The following RCAN2 variants were observed in gnomAD, a reference collection of about 807,000 sequenced individuals.
RCAN2 encodes calcipressin-2.
In RCAN2, 9 loss-of-function variants were observed where a neutral mutation model predicts 23.6. That is an observed-to-expected ratio of 0.38 (90% CI 0.23 to 0.67). The LOEUF is 0.67. Ranked by LOEUF, RCAN2 falls within the 30% of genes least tolerant of loss-of-function variation. The pLI is 0.51. For missense variants in RCAN2, 273 were observed against 302.3 expected, an observed-to-expected ratio of 0.90 and a Z score of 0.72; for synonymous variants, 109 against 115.7, an observed-to-expected ratio of 0.94 and a Z score of 0.37.
chr6:46,256,427 T>C (rs1766919674), intron 2 of RCAN2, among the ~76,000 whole-genome samples: 1 of 134,030 alleles, frequency 7.5e-6, no homozygotes, highest in Non-Finnish European at 1.6e-5. Context: ...CCAGGTAGAA[T>C]GTCTGAAGAT....
chr6:46,330,794 GTTAT>G (rs1236509781), intron 2 of RCAN2, among the ~76,000 whole-genome samples: 4 of 152,116 alleles, frequency 2.6e-5, no homozygotes, highest in Non-Finnish European at 5.9e-5. Flanking sequence ...ATGAAGCCAT[GTTAT>G]TTGTCTTTTA....
chr6:46,384,019 T>TCTA (rs1212604458), intron 2 of RCAN2, among the ~76,000 whole-genome samples: 2 of 152,166 alleles, frequency 1.3e-5, no homozygotes, highest in Non-Finnish European at 2.9e-5. Flanking sequence ...AGGGTTCATC[T>TCTA]CTACATACTC....
intron 2 of RCAN2, among the ~76,000 whole-genome samples, chr6:46,322,788 C>T (rs1582103555): frequency 6.6e-6 from 1 of 152,320 alleles, no homozygotes; most frequent in East Asian, 1.9e-4. Flanking sequence ...CTTGGCTCCA[C>T]CAGTTATTAG....
At chr6:46,365,327 T>C (rs1418611475) in intron 2 of RCAN2, among the ~76,000 whole-genome samples, 1 of 151,706 alleles carries the variant, frequency 6.6e-6, no homozygotes, top group African/African-American at 2.4e-5. Context: ...AATACAACAA[T>C]TAGCTGGGCG....
chr6:46,244,778 G>A (rs1766453033), intron 4 of RCAN2, among the ~76,000 whole-genome samples: 1 of 152,202 alleles, frequency 6.6e-6, no homozygotes, highest in Non-Finnish European at 1.5e-5. Flanking sequence ...CAGACTCCTA[G>A]GTCCTCTAGC....
At chr6:46,378,523 C>A (rs1765539124) in intron 2 of RCAN2, among the ~76,000 whole-genome samples, 1 of 152,008 alleles carries the variant, frequency 6.6e-6, no homozygotes, top group Non-Finnish European at 1.5e-5. Flanking sequence ...TATGTAAATC[C>A]CATACATCTT....
At position 46,224,568 on chromosome 6, in the gene RCAN2, T is replaced by C. The variant is rs556271269; in HGVS notation, c.572-1267A>G. 5.3e-5 allele frequency among the ~76,000 whole-genome samples: 8 copies of C among 152,330 alleles called. No individual in the cohort carries two copies. The South Asian group carries it at 1.7e-3, about 32-fold the overall frequency. ...CCAAAATAGCTACTTTTACTTCGCATAGCCTCACTTCCCCTCCAGAGTTCC... is the reference window on the plus strand; with the variant it reads ...CCAAAATAGCTACTTTTACTTCGCACAGCCTCACTTCCCCTCCAGAGTTCC... On this transcript the variant is annotated intron_variant, in intron 4 of 4. Coordinates refer to ENST00000371374, the MANE Select transcript of RCAN2 (RefSeq NM_001251974.2).
chr6:46,330,895 C>A (rs147544024), intron 2 of RCAN2, among the ~76,000 whole-genome samples: 2 of 152,112 alleles, frequency 1.3e-5, no homozygotes, highest in Non-Finnish European at 2.9e-5. Flanking sequence ...TTGTTTAGAT[C>A]CAGATGCTTA....
intron 2 of RCAN2, among the ~76,000 whole-genome samples, chr6:46,455,864 AAAAGAAAGAAAG>A (rs763615814): frequency 5.3e-5 from 8 of 151,118 alleles, no homozygotes; most frequent in Admixed American, 2.0e-4. Context: ...TAAAAAAAAA[AAAAGAAAGAAAG>A]AAAGAAAGAA....
intron 2 of RCAN2, among the ~76,000 whole-genome samples, chr6:46,423,633 C>T (rs1424337354): frequency 4.6e-5 from 7 of 152,146 alleles, no homozygotes; most frequent in African/African-American, 1.7e-4. Context: ...TTTCCTTATA[C>T]ATTTTGTAAT....
At chr6:46,248,936 G>T in intron 2 of RCAN2, 40 bp from the exon 3 acceptor site, 5 of 1,461,570 alleles carry the variant, frequency 3.4e-6, no homozygotes, top group Non-Finnish European at 4.7e-6. Flanking sequence ...ATTGGCCATG[G>T]CATGGATCTC....
intron 2 of RCAN2, among the ~76,000 whole-genome samples, chr6:46,282,286 C>A (rs1762208380): frequency 6.6e-6 from 1 of 151,736 alleles, no homozygotes; most frequent in South Asian, 2.1e-4. Flanking sequence ...TGGCTCACAC[C>A]TGTAATCCCA....
At chr6:46,328,908 C>T (rs546463105) in intron 2 of RCAN2, among the ~76,000 whole-genome samples, 58 of 152,270 alleles carry the variant, frequency 3.8e-4, no homozygotes, top group African/African-American at 1.2e-3. Context: ...CACCCCTAGC[C>T]GAGAATGTGT....
rs564895047 is a variant in RCAN2 at position 46,422,533 on chromosome 6, C to T, written c.225+34219G>A. Among the ~76,000 whole-genome samples, 9 of 152,046 alleles carry T rather than the reference C, an allele frequency of 5.9e-5. No homozygotes were observed. The East Asian group carries it at 9.6e-4, about 16-fold the overall frequency. On this transcript the variant is annotated intron_variant, in intron 2 of 4. Transcript: ENST00000371374. ...CATAGAAAAGGGATGCTTTTAAAAA[C>T]GAAGGAAGACATGTTCCAAACAGAT...
chr6:46,466,254 T>C (rs1768378076), intron 1 of RCAN2, among the ~76,000 whole-genome samples: 1 of 152,210 alleles, frequency 6.6e-6, no homozygotes, highest in Non-Finnish European at 1.5e-5. Flanking sequence ...AAGTAAGATT[T>C]ATCCTGTCAT....
chr6:46,233,000 C>T (rs1205398394), intron 4 of RCAN2, among the ~76,000 whole-genome samples: 1 of 152,048 alleles, frequency 6.6e-6, no homozygotes, highest in Admixed American at 6.6e-5. Context: ...TCCCTTCCTC[C>T]ATTCTACATA....
intron 2 of RCAN2, among the ~76,000 whole-genome samples, chr6:46,271,942 A>T (rs1453635463): frequency 6.6e-6 from 1 of 152,128 alleles, no homozygotes; most frequent in East Asian, 1.9e-4. Flanking sequence ...AGGTGACGAG[A>T]CTCTGTGCTG....
chr6:46,479,951 G>A (rs1467187927), intron 1 of RCAN2, among the ~76,000 whole-genome samples: 1 of 152,140 alleles, frequency 6.6e-6, no homozygotes, highest in Non-Finnish European at 1.5e-5. Flanking sequence ...GCCTTCACTT[G>A]AGGCAAATTA....
intron 1 of RCAN2, among the ~76,000 whole-genome samples, chr6:46,479,112 A>G (rs1224471682): frequency 1.3e-5 from 2 of 152,242 alleles, no homozygotes; most frequent in Admixed American, 1.3e-4. Flanking sequence ...TCAATGACTT[A>G]TCTCTCAAGA....
Sources: allele counts gnomAD v4.1 joint callset (sites outside exome capture counted in the v4.1 genomes callset), GRCh38; gene constraint gnomAD v4.1.1; transcripts MANE v1.5; gene names NCBI Gene and HGNC (gene_info 2026-07-23, HGNC 2026-07-21).